Variants in RAP1GAP2 observed in about 807,000 individuals in gnomAD.
RAP1GAP2 encodes the protein RAP1 GTPase activating protein 2, also known as rap1 GTPase-activating protein 2.
A neutral mutation model predicts 95.0 loss-of-function variants in RAP1GAP2; 27 were observed. The observed-to-expected ratio is 0.28, with a 90% CI of 0.21 to 0.39. RAP1GAP2 has a LOEUF of 0.39. RAP1GAP2 is among the 10% of genes least tolerant of loss of function. The pLI is 1.00. For synonymous variants in RAP1GAP2, 373 were observed against 380.9 expected (o/e 0.98, Z 0.24); for missense variants, 771 against 970.0 (o/e 0.79, Z 2.72).
At chr17:2,921,462 C>G (rs962842785) in intron 3 of RAP1GAP2, among the ~76,000 whole-genome samples, 1 of 152,194 alleles carries the variant, frequency 6.6e-6, no homozygotes, top group Non-Finnish European at 1.5e-5. Flanking sequence ...CTCAGCCCCC[C>G]AAAGTCCTGG....
At chr17:2,997,555 A>G (rs1371958984) in intron 13 of RAP1GAP2, among the ~76,000 whole-genome samples, 1 of 152,160 alleles carries the variant, frequency 6.6e-6, no homozygotes, top group Admixed American at 6.5e-5. Context: ...TGCATGCTGT[A>G]GAGGTCAGTA....
rs768542072 is a variant in RAP1GAP2, at chr17:3,005,565, G to C, written c.1272+125G>C. ...TTAGGGAGCTCCTTTTGCAGGTTTT[G>C]GGGGGAACCTCCTTTCTTGGGGTCT... On this transcript the variant is annotated intron_variant, in intron 15 of 24. Transcript: ENST00000254695. This position sits in a 1 kb window ranked among gnomAD's most constrained non-coding sequence, Gnocchi z 5.2. 2 of 1,109,550 alleles carry C rather than the reference G, an allele frequency of 1.8e-6. No individual in the cohort carries two copies. Among genetic ancestry groups the C allele is most frequent in the Admixed American group, 3.4e-5 (2 of 58,088 alleles). The allele number at this position is 1,109,550 out of a possible 1,614,324, so 68.7% of individuals were successfully genotyped here. A position where few individuals can be genotyped will look rare whatever the true frequency, so the allele number is the denominator to read the frequency against.
chr17:2,768,228 G>A (rs1319423693), intron 1 of RAP1GAP2, among the ~76,000 whole-genome samples: 1 of 152,210 alleles, frequency 6.6e-6, no homozygotes, highest in Non-Finnish European at 1.5e-5. Flanking sequence ...TCAGACAGAT[G>A]TTGTCAGGTT....
At chr17:2,935,455 T>C (rs1449401226) in intron 3 of RAP1GAP2, among the ~76,000 whole-genome samples, 1 of 152,048 alleles carries the variant, frequency 6.6e-6, no homozygotes, top group African/African-American at 2.4e-5. Context: ...TGCAGTGAGC[T>C]GAGATTGTGC....
chr17:2,954,924 A>G (rs937308971), intron 3 of RAP1GAP2, among the ~76,000 whole-genome samples: 29 of 152,064 alleles, frequency 1.9e-4, no homozygotes, highest in African/African-American at 6.3e-4. Flanking sequence ...GGTGTAATGC[A>G]CTCAAGGGTC....
intron 1 of RAP1GAP2, among the ~76,000 whole-genome samples, chr17:2,798,667 A>G (rs178563): frequency 0.99 from 144,186 of 145,594 alleles, 71,415 homozygotes; most frequent in Middle Eastern, 1. Context: ...ATGGGATGGG[A>G]GAGGGAGGAG....
In RAP1GAP2 at chr17:2,918,982, T is replaced by C. The variant is rs117522338; in HGVS notation, c.165+13614T>C. Among the ~76,000 whole-genome samples the C allele has an allele frequency of 6.1e-4, 93 of 152,318 alleles. 1 individual carries two copies. In the East Asian group the frequency reaches 0.014, roughly 23 times the overall value. On this transcript the variant is annotated intron_variant, in intron 3 of 24. Transcript: ENST00000254695. ...TGAAATGTGCGGAGAATAGCAATGC[T>C]TAGAGAGACCATCTAGGGGGAAGTA...
At chr17:2,873,625 C>T (rs915108892) in intron 2 of RAP1GAP2, among the ~76,000 whole-genome samples, 11 of 151,988 alleles carry the variant, frequency 7.2e-5, no homozygotes, top group African/African-American at 2.4e-4. Flanking sequence ...CGTTTGAGCC[C>T]TGCTAATGTA....
chr17:3,028,389 A>G (rs1045285137), intron 22 of RAP1GAP2, among the ~76,000 whole-genome samples: 27 of 152,108 alleles, frequency 1.8e-4, no homozygotes, highest in African/African-American at 6.3e-4. Context: ...GGCAGAGGTC[A>G]CGGAAGCTGA....
intron 7 of RAP1GAP2, chr17:2,964,306 G>T (rs1313944676): frequency 1.0e-5 from 1 of 97,356 alleles, no homozygotes; most frequent in African/African-American, 4.1e-5. Flanking sequence ...GTGGGGGTGA[G>T]GCTGGGGGAG....
chr17:2,942,957 T>TG (rs1240508372), intron 3 of RAP1GAP2, among the ~76,000 whole-genome samples: 11 of 151,922 alleles, frequency 7.2e-5, no homozygotes, highest in African/African-American at 2.7e-4. Flanking sequence ...TTAGTAGAGA[T>TG]GGGGTTTCAC....
chr17:2,947,359 T>C (rs551087217), intron 3 of RAP1GAP2, among the ~76,000 whole-genome samples: 5 of 151,694 alleles, frequency 3.3e-5, no homozygotes, highest in Non-Finnish European at 5.9e-5. Context: ...CCATCCAGGG[T>C]GAGGGGTGCA....
chr17:2,926,856 A>G (rs552749941), intron 3 of RAP1GAP2, among the ~76,000 whole-genome samples: 8 of 151,680 alleles, frequency 5.3e-5, no homozygotes, highest in Middle Eastern at 3.2e-3. Flanking sequence ...AATACAAAAA[A>G]TACTACAGGT....
At chr17:2,939,160 G>C (rs180882258) in intron 3 of RAP1GAP2, among the ~76,000 whole-genome samples, 64 of 152,032 alleles carry the variant, frequency 4.2e-4, no homozygotes, top group African/African-American at 1.2e-3. Flanking sequence ...GCACAGTCTT[G>C]GCTCACTGCA....
chr17:2,814,006 C>T (rs11655307), intron 2 of RAP1GAP2, among the ~76,000 whole-genome samples: 11,328 of 152,068 alleles, frequency 0.074, 540 homozygotes, highest in Non-Finnish European at 0.092. Flanking sequence ...TGTCTCCAGA[C>T]GTTGCTCTAT....
At chr17:2,899,746 G>A (rs2041964099) in intron 2 of RAP1GAP2, among the ~76,000 whole-genome samples, 1 of 151,386 alleles carries the variant, frequency 6.6e-6, no homozygotes, top group African/African-American at 2.4e-5. Context: ...CCTGACCTCA[G>A]GTGATCTGCC....
intron 2 of RAP1GAP2, among the ~76,000 whole-genome samples, chr17:2,893,418 G>C (rs1307565792): frequency 1.3e-5 from 2 of 152,188 alleles, no homozygotes; most frequent in East Asian, 3.8e-4. Context: ...GTTCATCCTG[G>C]AAGTCTCAAC....
rs1016410569 is a variant in RAP1GAP2 at position 3,029,159 on chromosome 17, T to C, written c.2108-1763T>C. Among the ~76,000 whole-genome samples, 2 of 152,136 alleles carry C rather than the reference T, an allele frequency of 1.3e-5. No individual in the cohort carries two copies. The highest frequency in any genetic ancestry group is 2.1e-4 in the South Asian group (1 of 4,830). The stretch of plus-strand genomic sequence containing the variant: ...AAGACTTAAATATTGAAGGAATGAA[T>C]GAAAGAATCTGTAAGCAAGCCTGGC... On this transcript the variant is annotated intron_variant, in intron 22 of 24. Coordinates refer to ENST00000254695, the MANE Select transcript of RAP1GAP2 (RefSeq NM_015085.5). This position sits in a 1 kb window ranked among gnomAD's most constrained non-coding sequence, Gnocchi z 4.4.
intron 1 of RAP1GAP2, among the ~76,000 whole-genome samples, chr17:2,767,716 A>T (rs955559308): frequency 2.1e-4 from 32 of 151,026 alleles, no homozygotes; most frequent in Non-Finnish European, 3.2e-4. Flanking sequence ...TACTATATGG[A>T]TGTACCATAA....
Sources: allele counts gnomAD v4.1 joint callset (sites outside exome capture counted in the v4.1 genomes callset), GRCh38; gene constraint gnomAD v4.1.1; non-coding constraint Gnocchi (gnomAD v3.1); transcripts MANE v1.5; gene names NCBI Gene and HGNC (gene_info 2026-07-23, HGNC 2026-07-21).